Variants in ACTN4 observed in about 807,000 individuals in gnomAD.
ACTN4 encodes the protein actinin alpha 4.
In ACTN4, 18 loss-of-function variants were observed where a neutral mutation model predicts 114.2. The observed-to-expected ratio is 0.16, with a 90% CI of 0.11 to 0.23. The LOEUF (loss-of-function observed/expected upper bound fraction) is 0.23. Ranked by LOEUF, ACTN4 falls within the 10% of genes least tolerant of loss-of-function variation. The pLI is 1.00. For missense variants in ACTN4, 722 were observed against 1,262.9 expected, an observed-to-expected ratio of 0.57 and a Z score of 6.49; for synonymous variants, 515 against 506.3, an observed-to-expected ratio of 1.02 and a Z score of -0.23.
At chr19:38,696,634 T>TG (rs771777966) in intron 1 of ACTN4, among the ~76,000 whole-genome samples, 1 of 152,242 alleles carries the variant, frequency 6.6e-6, no homozygotes, top group Non-Finnish European at 1.5e-5. Flanking sequence ...GGTGGCCTTG[T>TG]GAGTGCAGGC....
intron 5 of ACTN4, 131 bp from the exon 6 acceptor site, chr19:38,707,986 T>C: frequency 2.1e-6 from 2 of 930,678 alleles, no homozygotes; most frequent in South Asian, 2.7e-5. Context: ...CCACACTGTC[T>C]CCATGCAGTG....
chr19:38,703,930 G>T (rs74449234), intron 3 of ACTN4, among the ~76,000 whole-genome samples: 4 of 152,162 alleles, frequency 2.6e-5, no homozygotes, highest in African/African-American at 9.7e-5. Flanking sequence ...TGGACAGAGC[G>T]TATCAAAGCA....
chr19:38,649,480 C>G (rs560116782), intron 1 of ACTN4, among the ~76,000 whole-genome samples: 1 of 152,170 alleles, frequency 6.6e-6, no homozygotes, highest in South Asian at 2.1e-4. Flanking sequence ...GTTACTGATT[C>G]GCTCTGTGGC....
rs771969423 is a variant in ACTN4, at chr19:38,729,313, C to G, written c.2617C>G (p.Pro873Ala). Residue 873 changes from proline to alanine, a missense_variant, in exon 21 of 21, where the codon CCC (proline) becomes GCC (alanine). This residue lies in a region of ACTN4 where 523 missense variants were observed against 875.9 expected (regional missense o/e 0.60). Coordinates refer to ENST00000252699, the MANE Select transcript of ACTN4 (RefSeq NM_004924.6). Reference sequence around the variant, plus strand: ...TGAGGAGCTGCGGAGAGAGCTGCCCCCCGACCAGGCCGAGTACTGCATCGC... The same window carrying G: ...TGAGGAGCTGCGGAGAGAGCTGCCCGCCGACCAGGCCGAGTACTGCATCGC... ...TAEELRRELP[P>A]DQAEYCIARM... The G allele has an allele frequency of 3.7e-6, 6 of 1,612,752 alleles. No homozygotes were observed. The highest frequency in any genetic ancestry group is 1.6e-4 in the Middle Eastern group (1 of 6,070).
At chr19:38,690,463 A>G (rs894566918) in intron 1 of ACTN4, among the ~76,000 whole-genome samples, 1 of 152,226 alleles carries the variant, frequency 6.6e-6, no homozygotes, top group Non-Finnish European at 1.5e-5. Context: ...GCTGGGTTCC[A>G]TGGTTCTCTT....
At chr19:38,711,496 C>A in intron 8 of ACTN4, 2 of 303,886 alleles carry the variant, frequency 6.6e-6, no homozygotes, top group Non-Finnish European at 9.7e-6. Flanking sequence ...ACTGACCCTG[C>A]CGGCCTCTGA....
At chr19:38,679,671 G>A (rs76952093) in intron 1 of ACTN4, among the ~76,000 whole-genome samples, 33 of 151,388 alleles carry the variant, frequency 2.2e-4, no homozygotes, top group African/African-American at 7.3e-4. Flanking sequence ...AGCTCACTGC[G>A]GCCTCTGAAC....
At chr19:38,725,299 T>C (rs933431343) in intron 16 of ACTN4, among the ~76,000 whole-genome samples, 1 of 152,086 alleles carries the variant, frequency 6.6e-6, no homozygotes, top group African/African-American at 2.4e-5. Flanking sequence ...GCATGTGGAC[T>C]TGTGGGTGCC....
At chr19:38,725,592 C>A in intron 16 of ACTN4, 132 bp from the exon 17 acceptor site, 1 of 946,550 alleles carries the variant, frequency 1.1e-6, no homozygotes, top group Non-Finnish European at 1.6e-6. Context: ...CTCCCAGGGA[C>A]CCATGGGCCA....
At position 38,731,438 on chromosome 19, in the gene ACTN4, G is replaced by T; in HGVS notation, c.*2006G>T. 3 of 591,806 alleles carry T rather than the reference G, an allele frequency of 5.1e-6. No individual in the cohort carries two copies. The highest frequency in any genetic ancestry group is 9.1e-6 in the Non-Finnish European group (3 of 328,350). 36.7% of individuals were successfully genotyped at this position (591,806 alleles called of 1,614,324 possible). A position where few individuals can be genotyped will look rare whatever the true frequency, so the allele number is the denominator to read the frequency against. On this transcript the variant is annotated 3_prime_UTR_variant, in exon 21 of 21. Transcript: ENST00000252699. ...GACTAAGACAGCCCCGACCCCATAG[G>T]GTGTGTGAAGACAGAACGCTCAGGA... is the stretch of plus-strand genomic sequence containing the variant.
intron 16 of ACTN4, 148 bp from the exon 17 acceptor site, chr19:38,725,576 C>A (rs141159659): frequency 3.8e-6 from 3 of 780,680 alleles, no homozygotes; most frequent in African/African-American, 1.7e-5. Flanking sequence ...GAGCAGTGGG[C>A]CTTCCCTCCC....
Position 38,718,016 on chromosome 19 carries a change from C to A in ACTN4, c.1233C>A (p.Leu411=), listed in dbSNP as rs1289931572. ...ATGAGATCCGCAGGCTGGAGCGGCT[C>A]GACCACCTGGCAGAGAAGTTCCGGC... The part of the protein sequence containing the change: ...LLNEIRRLER[L]DHLAEKFRQK... The change falls in exon 11 of 21, where the codon CTC becomes CTA. Residue 411 remains leucine (L), a synonymous_variant. Transcript: ENST00000252699. 2 of 1,607,582 alleles carry A rather than the reference C, an allele frequency of 1.2e-6. No individual in the cohort carries two copies. The highest frequency in any genetic ancestry group is 1.7e-5 in the Admixed American group (1 of 59,106).
chr19:38,660,543 G>C (rs1053531958), intron 1 of ACTN4, among the ~76,000 whole-genome samples: 1 of 151,996 alleles, frequency 6.6e-6, no homozygotes, highest in Non-Finnish European at 1.5e-5. Flanking sequence ...TTACAGGCAC[G>C]TGCCACCATG....
chr19:38,694,655 G>A (rs1256291570), intron 1 of ACTN4, among the ~76,000 whole-genome samples: 5 of 152,026 alleles, frequency 3.3e-5, no homozygotes, highest in Non-Finnish European at 5.9e-5. Context: ...TGCCCACCCC[G>A]TGTTTGTATG....
At chr19:38,722,744 G>A (rs1170010655) in intron 12 of ACTN4, among the ~76,000 whole-genome samples, 3 of 152,334 alleles carry the variant, frequency 2.0e-5, no homozygotes, top group Admixed American at 1.3e-4. Context: ...CCCCAGTGAC[G>A]GAAGAGCCCC....
chr19:38,688,269 C>T (rs1259875592), intron 1 of ACTN4, among the ~76,000 whole-genome samples: 1 of 150,880 alleles, frequency 6.6e-6, no homozygotes, highest in African/African-American at 2.4e-5. Flanking sequence ...AAAAATTAGG[C>T]CGGGTATGGT....
chr19:38,673,188 CCA>C (rs2144888403), intron 1 of ACTN4, among the ~76,000 whole-genome samples: 1 of 151,468 alleles, frequency 6.6e-6, no homozygotes, highest in South Asian at 2.1e-4. Flanking sequence ...GGTGATCCCC[CCA>C]CCTCAGCCTC....
chr19:38,717,774 G>T lies in ACTN4; in HGVS notation c.1144-153G>T, dbSNP rs1462781036. Among the ~76,000 whole-genome samples, 4 of 152,192 alleles carry T rather than the reference G, an allele frequency of 2.6e-5. No homozygotes were observed. The South Asian group carries it at 8.3e-4, about 32-fold the overall frequency. On this transcript the variant is annotated intron_variant, in intron 10 of 20. Transcript: ENST00000252699. This position sits in a 1 kb window ranked among gnomAD's most constrained non-coding sequence, Gnocchi z 4.0. ...GATTGTACCTGCTGAGTGCTGGGGG[G>T]CCCTGTGTAGGCATCCAGGTATAAT...
intron 1 of ACTN4, among the ~76,000 whole-genome samples, chr19:38,668,353 CAAGA>C (rs1206297011): frequency 6.6e-6 from 1 of 152,110 alleles, no homozygotes; most frequent in Non-Finnish European, 1.5e-5. Context: ...GGAGATACAA[CAAGA>C]AAGAAAACCA....
Sources: gnomAD v4.1 joint callset for allele counts (sites outside exome capture counted in the v4.1 genomes callset) on GRCh38, gnomAD v4.1.1 for gene constraint, gnomAD v4.1.1 regional missense constraint, Gnocchi (gnomAD v3.1) non-coding constraint, MANE v1.5 for transcripts, NCBI Gene and HGNC (gene_info 2026-07-23, HGNC 2026-07-21) for gene names.